The following FARP1 variants were observed in gnomAD, a reference collection of about 807,000 sequenced individuals.
FARP1 encodes FERM, ARH/RhoGEF and pleckstrin domain protein 1.
FARP1 carries 52 observed loss-of-function variants against 128.8 expected under a neutral mutation model. The ratio of observed to expected loss-of-function variants is 0.40; its 90% confidence interval spans 0.32 to 0.51. The LOEUF (loss-of-function observed/expected upper bound fraction) is 0.51. FARP1 is among the 20% of genes least tolerant of loss of function. FARP1 has a pLI of 0.45. For synonymous variants in FARP1, 580 were observed against 551.8 expected, an observed-to-expected ratio of 1.05 and a Z score of -0.72; for missense variants, 1,333 against 1,367.9, an observed-to-expected ratio of 0.97 and a Z score of 0.40.
intron 1 of FARP1, chr13:98,177,120 G>T: frequency 1.2e-6 from 2 of 1,602,626 alleles, no homozygotes; most frequent in Non-Finnish European, 1.7e-6. Context: ...GCTCGGGGTC[G>T]CAGGCCGGGC....
At chr13:98,256,093 C>G (rs188053767) in intron 2 of FARP1, among the ~76,000 whole-genome samples, 3 of 152,026 alleles carry the variant, frequency 2.0e-5, no homozygotes, top group Non-Finnish European at 4.4e-5. Flanking sequence ...CTTACAGAGC[C>G]GGTAGAAATG....
chr13:98,182,960 T>C (rs1281404641), intron 1 of FARP1, among the ~76,000 whole-genome samples: 1 of 152,242 alleles, frequency 6.6e-6, no homozygotes, highest in Non-Finnish European at 1.5e-5. Flanking sequence ...ATTGGCTGTT[T>C]TATGTCACTT....
intron 2 of FARP1, among the ~76,000 whole-genome samples, chr13:98,302,414 T>G (rs1171851177): frequency 6.6e-6 from 1 of 152,186 alleles, no homozygotes; most frequent in South Asian, 2.1e-4. Context: ...CCCACACCAG[T>G]GGCCAAAGAT....
At chr13:98,386,579 C>T (rs1477192543) in intron 8 of FARP1, among the ~76,000 whole-genome samples, 1 of 152,088 alleles carries the variant, frequency 6.6e-6, no homozygotes, top group African/African-American at 2.4e-5. Context: ...CCCCACAAAA[C>T]CAACAGAATG....
chr13:98,355,234 A>G (rs1888594104), intron 3 of FARP1, among the ~76,000 whole-genome samples: 1 of 151,974 alleles, frequency 6.6e-6, no homozygotes, highest in Non-Finnish European at 1.5e-5. Flanking sequence ...AGTCCTAGCT[A>G]CTTGAGGGGG....
intron 6 of FARP1, chr13:98,382,527 C>T (rs1177797703): frequency 6.6e-6 from 1 of 150,892 alleles, no homozygotes; most frequent in African/African-American, 2.4e-5. Context: ...AAACATAAAG[C>T]TCACAAGACA....
At chr13:98,251,806 A>G (rs897364752) in intron 2 of FARP1, among the ~76,000 whole-genome samples, 3 of 152,212 alleles carry the variant, frequency 2.0e-5, no homozygotes, top group Non-Finnish European at 4.4e-5. Context: ...AACCATAAAA[A>G]GATAGCAGAT....
chr13:98,437,900 T>A, intron 19 of FARP1: 2 of 1,264,736 alleles, frequency 1.6e-6, no homozygotes, highest in Non-Finnish European at 2.1e-6. Context: ...GCTCAGATGA[T>A]CCCCTGATTC....
chr13:98,282,603 A>G (rs758039624), intron 2 of FARP1, among the ~76,000 whole-genome samples: 2 of 152,118 alleles, frequency 1.3e-5, no homozygotes, highest in East Asian at 3.9e-4. Flanking sequence ...AAAAGATTTG[A>G]CCTTAAAAGA....
At chr13:98,406,781 G>T (rs1890994222) in intron 13 of FARP1, 1 of 152,306 alleles carries the variant, frequency 6.6e-6, no homozygotes, top group African/African-American at 2.4e-5. Context: ...CGCCTTCTTG[G>T]CGAGGCAGGC....
At chr13:98,440,865 C>A in intron 24 of FARP1, 29 bp downstream of exon 24, 1 of 1,563,378 alleles carries the variant, frequency 6.4e-7, no homozygotes, top group East Asian at 2.4e-5. Context: ...GCTCTGGTTC[C>A]CAGCTTGTGC....
At chr13:98,367,606 C>T (rs1889151906) in intron 4 of FARP1, among the ~76,000 whole-genome samples, 2 of 151,762 alleles carry the variant, frequency 1.3e-5, no homozygotes, top group South Asian at 4.2e-4. Context: ...TTATAAGATA[C>T]TGATAAAGGC....
chr13:98,225,765 TGCTTA>T (rs1881723501), intron 2 of FARP1, among the ~76,000 whole-genome samples: 1 of 152,240 alleles, frequency 6.6e-6, no homozygotes, highest in Admixed American at 6.5e-5. Context: ...CAAGTTGCCT[TGCTTA>T]GCTTCCAAAC....
Position 98,454,275 on chromosome 13 carries a change from C to G in FARP1, c.*5958C>G, listed in dbSNP as rs1045597150. On this transcript the variant is annotated 3_prime_UTR_variant, in exon 27 of 27. Transcript: ENST00000319562. ...ATTTCTGTGTCTTCCAAAAATTCTA[C>G]AAGATTGTCTTCAGAAGACAACAAA... is the stretch of plus-strand genomic sequence containing the variant. 1 of 152,190 alleles carries G rather than the reference C, an allele frequency of 6.6e-6. No homozygotes were observed. The highest frequency in any genetic ancestry group is 1.5e-5 in the Non-Finnish European group (1 of 68,038). 9.4% of individuals were successfully genotyped at this position (152,190 alleles called of 1,614,324 possible). A position where few individuals can be genotyped will look rare whatever the true frequency, so the allele number is the denominator to read the frequency against.
At chr13:98,412,985 C>T (rs1891246516) in intron 16 of FARP1, among the ~76,000 whole-genome samples, 1 of 152,314 alleles carries the variant, frequency 6.6e-6, no homozygotes, top group South Asian at 2.1e-4. Context: ...ACTGTAGGGC[C>T]TGAAGGAGCC....
chr13:98,160,024 A>G (rs1284162860), intron 1 of FARP1, among the ~76,000 whole-genome samples: 1 of 152,166 alleles, frequency 6.6e-6, no homozygotes, highest in Admixed American at 6.6e-5. Flanking sequence ...TTAAAGATGT[A>G]CTTTAGCTTC....
chr13:98,295,097 AC>A (rs2139678398), intron 2 of FARP1, among the ~76,000 whole-genome samples: 3 of 29,002 alleles, frequency 1.0e-4, no homozygotes, highest in East Asian at 1.2e-3. Context: ...ACACACACAC[AC>A]ACACACATAT....
intron 2 of FARP1, among the ~76,000 whole-genome samples, chr13:98,254,885 C>T (rs757898073): frequency 6.6e-6 from 1 of 151,386 alleles, no homozygotes; most frequent in Non-Finnish European, 1.5e-5. Flanking sequence ...ACTAGCTTGG[C>T]TGTAGCTGGG....
chr13:98,441,088 T>C (rs1892504539), intron 24 of FARP1, among the ~76,000 whole-genome samples: 1 of 152,232 alleles, frequency 6.6e-6, no homozygotes, highest in Admixed American at 6.5e-5. Context: ...ATCAGTCCTA[T>C]TGCCATCCAC....
Sources: gnomAD v4.1 joint callset for allele counts (sites outside exome capture counted in the v4.1 genomes callset) on GRCh38, gnomAD v4.1.1 for gene constraint, MANE v1.5 for transcripts, NCBI Gene and HGNC (gene_info 2026-07-23, HGNC 2026-07-21) for gene names.